CFAP20DC: variants seen among roughly 807,000 people sequenced by gnomAD.
CFAP20DC encodes CFAP20 domain containing.
In CFAP20DC, 84 loss-of-function variants were observed where a neutral mutation model predicts 101.7. The observed-to-expected ratio is 0.83, with a 90% CI of 0.69 to 0.99. The LOEUF is 0.99. Ranked by LOEUF, CFAP20DC falls within the 50% of genes least tolerant of loss-of-function variation. The pLI is 0.00. For synonymous variants in CFAP20DC, 359 were observed against 351.2 expected, an observed-to-expected ratio of 1.02 and a Z score of -0.25; for missense variants, 1,007 against 970.3, an observed-to-expected ratio of 1.04 and a Z score of -0.50.
At chr3:58,895,920 G>A (rs2106942044) in intron 6 of CFAP20DC, among the ~76,000 whole-genome samples, 1 of 152,298 alleles carries the variant, frequency 6.6e-6, no homozygotes, top group South Asian at 2.1e-4. Flanking sequence ...CAGATCTTGT[G>A]AGACTTATTC....
At chr3:58,856,489 T>C (rs1218561880) in intron 12 of CFAP20DC, among the ~76,000 whole-genome samples, 1 of 152,222 alleles carries the variant, frequency 6.6e-6, no homozygotes, top group African/African-American at 2.4e-5. Flanking sequence ...CTGCAGGCAC[T>C]GGGCAACCCT....
At position 58,899,639 on chromosome 3, in the gene CFAP20DC, C is replaced by G. The variant is rs1209254229; in HGVS notation, c.550+14069G>C. Among the ~76,000 whole-genome samples, 1 of 152,160 alleles carries G rather than the reference C, an allele frequency of 6.6e-6. No homozygotes were observed. The highest frequency in any genetic ancestry group is 2.4e-5 in the African/African-American group (1 of 41,446). The stretch of plus-strand genomic sequence containing the variant: ...TGCGCTTATGAGGGGATCTCCTAAT[C>G]TGCTGGTTGCAAAGATCCGTGGGAG... On this transcript the variant is annotated intron_variant, in intron 6 of 16. Transcript: ENST00000482387. The surrounding 1 kb of genome is among the most constrained non-coding windows in gnomAD (Gnocchi z 5.0).
rs796823633 is a variant in CFAP20DC, at chr3:58,939,463, T to C, written c.279-1701A>G. ...TACATTTTTTAAAATTTTATTTTTA[T>C]TTTTTATTTTTTTGAGACAGAGTCT... On this transcript the variant is annotated intron_variant, in intron 4 of 16. Transcript: ENST00000482387. 5.1e-4 allele frequency among the ~76,000 whole-genome samples: 77 copies of C among 152,230 alleles called. 1 individual carries two copies. The highest frequency in any genetic ancestry group is 1.8e-3 in the African/African-American group (76 of 41,516).
intron 16 of CFAP20DC, among the ~76,000 whole-genome samples, chr3:58,746,198 C>G (rs138977433): frequency 6.6e-6 from 1 of 152,040 alleles, no homozygotes. Flanking sequence ...GTTCTTATAC[C>G]AAAAATTGTG....
chr3:59,013,700 C>G (rs1285322504), intron 4 of CFAP20DC, among the ~76,000 whole-genome samples: 1 of 152,076 alleles, frequency 6.6e-6, no homozygotes, highest in Admixed American at 6.6e-5. Flanking sequence ...ATTTTCTTTC[C>G]TGACCAAATA....
intron 4 of CFAP20DC, among the ~76,000 whole-genome samples, chr3:58,967,606 A>G (rs912587722): frequency 7.9e-5 from 12 of 152,348 alleles, no homozygotes; most frequent in South Asian, 4.1e-4. Flanking sequence ...TACAAATCAT[A>G]TATCTGATAA....
intron 14 of CFAP20DC, among the ~76,000 whole-genome samples, chr3:58,816,756 A>G (rs1258470267): frequency 2.0e-5 from 3 of 152,178 alleles, no homozygotes; most frequent in Non-Finnish European, 4.4e-5. Context: ...TAAACAAAGC[A>G]GCCAGGAAGC....
chr3:58,884,512 T>C lies in CFAP20DC; in HGVS notation c.715+33A>G, dbSNP rs754424373. On this transcript the variant is annotated intron_variant, in intron 7 of 16. Coordinates refer to ENST00000482387, the MANE Select transcript of CFAP20DC (RefSeq NM_001394063.1). ...ACTTTATGGGAGAGATGCAGACATATTACACTTATAATTTAGGTGCCTGAG... is the reference window on the plus strand; with the variant it reads ...ACTTTATGGGAGAGATGCAGACATACTACACTTATAATTTAGGTGCCTGAG... 1.4e-5 allele frequency: 23 copies of C among 1,600,162 alleles called. No homozygotes were observed. The South Asian group carries it at 2.4e-4, about 17-fold the overall frequency.
At chr3:58,726,959 G>T (rs1189687466) in intron 3 of CFAP20DC, 1 of 232,636 alleles carries the variant, frequency 4.3e-6, no homozygotes, top group Non-Finnish European at 8.6e-6. Flanking sequence ...GAAGAGATGA[G>T]AGCGACCCAT....
chr3:58,975,988 A>G (rs886093685), intron 4 of CFAP20DC, among the ~76,000 whole-genome samples: 3 of 152,214 alleles, frequency 2.0e-5, no homozygotes, highest in African/African-American at 7.2e-5. Flanking sequence ...CTCCTGTGAA[A>G]GAGGAGCACC....
intron 12 of CFAP20DC, among the ~76,000 whole-genome samples, chr3:58,850,685 A>G (rs1468332939): frequency 6.6e-6 from 1 of 152,132 alleles, no homozygotes; most frequent in Non-Finnish European, 1.5e-5. Flanking sequence ...CTTAGAATAG[A>G]GAAAAAACAA....
chr3:58,778,349 A>G (rs1421707387), intron 15 of CFAP20DC, among the ~76,000 whole-genome samples: 4 of 152,180 alleles, frequency 2.6e-5, no homozygotes, highest in Non-Finnish European at 4.4e-5. Context: ...CACCCAGCAC[A>G]GTGCATCACT....
At chr3:58,920,968 G>T (rs951956629) in intron 5 of CFAP20DC, among the ~76,000 whole-genome samples, 1 of 152,000 alleles carries the variant, frequency 6.6e-6, no homozygotes, top group Non-Finnish European at 1.5e-5. Context: ...ATAGTTATAA[G>T]GCTATCCACA....
chr3:58,869,966 T>C lies in CFAP20DC; in HGVS notation c.852+207A>G, dbSNP rs2080005037. On this transcript the variant is annotated intron_variant, in intron 8 of 16. Transcript: ENST00000482387. The surrounding 1 kb of genome is among the most constrained non-coding windows in gnomAD (Gnocchi z 4.3). ...TACTCGAAAATGTTAATTATGTTGA[T>C]ATGACAAAAAGGAAACACTTTTGAA... is the stretch of plus-strand genomic sequence containing the variant. Among the ~76,000 whole-genome samples the C allele has an allele frequency of 2.0e-5, 3 of 152,242 alleles. No individual in the cohort carries two copies. Among genetic ancestry groups the C allele is most frequent in the Admixed American group, 6.5e-5 (1 of 15,288 alleles).
chr3:59,040,265 A>G (rs1271027177), intron 3 of CFAP20DC, among the ~76,000 whole-genome samples: 28 of 152,042 alleles, frequency 1.8e-4, no homozygotes, highest in Admixed American at 1.8e-3. Context: ...TACTAGCTTC[A>G]TCTGGATTAA....
intron 6 of CFAP20DC, among the ~76,000 whole-genome samples, chr3:58,893,343 C>T (rs1248129488): frequency 6.6e-6 from 1 of 152,098 alleles, no homozygotes; most frequent in East Asian, 1.9e-4. Context: ...CGTGCCCGGC[C>T]AAAGGAACGT....
intron 15 of CFAP20DC, among the ~76,000 whole-genome samples, chr3:58,775,448 A>G (rs1469719420): frequency 1.3e-5 from 2 of 152,210 alleles, no homozygotes; most frequent in Non-Finnish European, 2.9e-5. Context: ...ATTGCAACAC[A>G]TTAGTTAGCA....
At chr3:59,019,973 C>A (rs1222803899) in intron 4 of CFAP20DC, among the ~76,000 whole-genome samples, 1 of 151,978 alleles carries the variant, frequency 6.6e-6, no homozygotes, top group Non-Finnish European at 1.5e-5. Context: ...GAATTAGAGG[C>A]AGACAGGAAA....
intron 4 of CFAP20DC, among the ~76,000 whole-genome samples, chr3:58,938,941 A>C: frequency 6.6e-6 from 1 of 152,220 alleles, no homozygotes. Context: ...CTAAGGTTTA[A>C]AATGCAGAAG....
Sources: gnomAD v4.1 joint callset for allele counts (sites outside exome capture counted in the v4.1 genomes callset) on GRCh38, gnomAD v4.1.1 for gene constraint, Gnocchi (gnomAD v3.1) non-coding constraint, MANE v1.5 for transcripts, NCBI Gene and HGNC (gene_info 2026-07-23, HGNC 2026-07-21) for gene names.